Variants in BPIFB4 observed in about 807,000 individuals in gnomAD.
The protein encoded by BPIFB4 is BPI fold containing family B member 4.
A neutral mutation model predicts 69.2 loss-of-function variants in BPIFB4; 62 were observed. That is an observed-to-expected ratio of 0.90 (90% CI 0.73 to 1.11). The LOEUF (loss-of-function observed/expected upper bound fraction) is 1.11. BPIFB4 is among the 50% of genes least tolerant of loss of function. The pLI, the probability that BPIFB4 is intolerant of heterozygous loss-of-function variation, is 0.00. For missense variants in BPIFB4, 789 were observed against 792.0 expected, an observed-to-expected ratio of 1.00 and a Z score of 0.04; for synonymous variants, 330 against 332.7, an observed-to-expected ratio of 0.99 and a Z score of 0.09.
In BPIFB4 at chr20:33,090,778, A is replaced by C. The variant is rs1345932494; in HGVS notation, c.1122A>C (p.Glu374Asp). The change falls in exon 10 of 18, where the codon GAA becomes GAC. Residue 374 changes from glutamate to aspartate, a missense_variant. Around this residue, in one of 3 missense-constraint regions of BPIFB4, gnomAD observed 611 missense variants for 575.4 expected, o/e 1.06. Transcript: ENST00000375483. ...TFSSLPLVTG[E>D]FLELDLNTLV... ...CCAGCCTCCCGCTTGTGACCGGGGA[A>C]TTCCTGGAGCTGGACCTCAACGTGA... is the stretch of plus-strand genomic sequence containing the variant. The C allele has an allele frequency of 6.2e-7, 1 of 1,614,146 alleles. No individual in the cohort carries two copies.
intron 3 of BPIFB4, 53 bp from the exon 4 acceptor site, chr20:33,082,884 CT>C (rs1234312841): frequency 6.5e-7 from 1 of 1,532,026 alleles, no homozygotes; most frequent in Admixed American, 1.7e-5. Context: ...TGCCTGGGGG[CT>C]GGAGGTGGAA....
intron 13 of BPIFB4, among the ~76,000 whole-genome samples, chr20:33,099,563 T>G (rs1439965298): frequency 6.6e-6 from 1 of 152,136 alleles, no homozygotes; most frequent in Admixed American, 6.5e-5. Context: ...TTTTACCTCC[T>G]TGCTCTCTGG....
In BPIFB4 at chr20:33,086,006, C is replaced by T. The variant is rs1981413314; in HGVS notation, c.783-15C>T. 5.0e-6 allele frequency: 8 copies of T among 1,600,622 alleles called. No individual in the cohort carries two copies. Among genetic ancestry groups the T allele is most frequent in the South Asian group, 2.2e-5 (2 of 90,786 alleles). The stretch of plus-strand genomic sequence containing the variant: ...GGGTGACTCATGGTCTCCCTGGCCC[C>T]TTGGCCTCCTCCAGTCTTATTGGCT... On this transcript the variant is annotated splice_polypyrimidine_tract_variant and intron_variant, in intron 6 of 17. Coordinates refer to ENST00000375483, the MANE Select transcript of BPIFB4 (RefSeq NM_182519.3).
At chr20:33,085,252 C>T (rs1600553676) in intron 6 of BPIFB4, among the ~76,000 whole-genome samples, 1 of 151,796 alleles carries the variant, frequency 6.6e-6, no homozygotes, top group Non-Finnish European at 1.5e-5. Context: ...GTCAGGAGTT[C>T]GAGACCAGCC....
rs1380600666 is a variant in BPIFB4 at position 33,095,030 on chromosome 20, A to T, written c.1345-70A>T. 33 of 1,412,950 alleles carry T rather than the reference A, an allele frequency of 2.3e-5. No homozygotes were observed. In the South Asian group the frequency reaches 3.7e-4, roughly 16 times the overall value. The allele number at this position is 1,412,950 out of a possible 1,614,324, so 87.5% of individuals were successfully genotyped here. A position where few individuals can be genotyped will look rare whatever the true frequency, so the allele number is the denominator to read the frequency against. ...TTGTAAAGCATGTAGGAGTTTAATC[A>T]CTGTATTAGCAACTCCTGTCTGTAC... On this transcript the variant is annotated intron_variant, in intron 11 of 17. Transcript: ENST00000375483.
intron 4 of BPIFB4, 25 bp downstream of exon 4, chr20:33,083,025 G>C (rs772153192): frequency 1.9e-6 from 3 of 1,599,688 alleles, no homozygotes; most frequent in South Asian, 2.2e-5. Context: ...GATGGTGGTG[G>C]GCCTCTCCTG....
chr20:33,094,510 CTTT>C (rs59777915), intron 11 of BPIFB4, among the ~76,000 whole-genome samples: 7 of 140,836 alleles, frequency 5.0e-5, no homozygotes, highest in Admixed American at 1.4e-4. Flanking sequence ...TTCTTTCTTT[CTTT>C]TTTTTTTTTT....
At chr20:33,094,024 T>C (rs890443858) in intron 11 of BPIFB4, among the ~76,000 whole-genome samples, 1 of 152,250 alleles carries the variant, frequency 6.6e-6, no homozygotes, top group Non-Finnish European at 1.5e-5. Flanking sequence ...ATCATGACAA[T>C]TCATTCCATA....
At position 33,081,598 on chromosome 20, in the gene BPIFB4, G is replaced by T. The variant is rs1439551576; in HGVS notation, c.72G>T (p.Thr24=). The change falls in exon 3 of 18, where the codon ACG becomes ACT. Residue 24 remains threonine (T), a synonymous_variant. Coordinates refer to ENST00000375483, the MANE Select transcript of BPIFB4 (RefSeq NM_182519.3). ...AVCGTSHETN[T]VLRVTKDVLS... is the part of the protein sequence containing the mutation. ...GTGGCACCAGCCACGAGACAAACAC[G>T]GTCCTCAGGGTGACGAAAGATGTGT... 6.4e-7 allele frequency: 1 copy of T among 1,551,722 alleles called. No individual in the cohort carries two copies. The highest frequency in any genetic ancestry group is 8.7e-7 in the Non-Finnish European group (1 of 1,147,004).
chr20:33,082,190 T>TA (rs1254247582), intron 3 of BPIFB4, among the ~76,000 whole-genome samples: 2 of 152,260 alleles, frequency 1.3e-5, no homozygotes, highest in East Asian at 1.9e-4. Flanking sequence ...ATCATGAGCA[T>TA]AAAAAAATGA....
chr20:33,089,104 T>C lies in BPIFB4; in HGVS notation c.990+75T>C, dbSNP rs935456256. On this transcript the variant is annotated intron_variant, in intron 8 of 17. Coordinates refer to ENST00000375483, the MANE Select transcript of BPIFB4 (RefSeq NM_182519.3). ...CTGAGGGGCCATAGTCCAGCCTCCA[T>C]CCCTGGGGGCCTGCAGGTAACCCAG... 1.9e-6 allele frequency: 3 copies of C among 1,602,478 alleles called. No individual in the cohort carries two copies. In the East Asian group the frequency reaches 6.7e-5, roughly 36 times the overall value.
rs777582904 is a variant in BPIFB4 at position 33,081,499 on chromosome 20, T to TTC, written c.-15-10_-15-9dup. Reference sequence around the variant, plus strand: ...GCCCAGCCACATCTGCATCTGCACTTTCTCCTCCACAGGGAAGCAGTGCCA... The same window carrying TTC: ...GCCCAGCCACATCTGCATCTGCACTTTCTCTCCTCCACAGGGAAGCAGTGCCA... On this transcript the variant is annotated splice_polypyrimidine_tract_variant and intron_variant, in intron 2 of 17. Transcript: ENST00000375483. The TTC allele has an allele frequency of 5.2e-6, 8 of 1,551,308 alleles. No homozygotes were observed. Among genetic ancestry groups the TTC allele is most frequent in the Non-Finnish European group, 7.0e-6 (8 of 1,146,884 alleles).
chr20:33,088,817 G>A (rs1981510689), intron 7 of BPIFB4, 149 bp from the exon 8 acceptor site: 3 of 1,401,662 alleles, frequency 2.1e-6, no homozygotes, highest in Admixed American at 2.1e-5. Flanking sequence ...CAAGGTGAAG[G>A]TACTCTGTCC....
chr20:33,108,423 C>CTATATATATATATGTCTATATATA (rs1555787221), intron 17 of BPIFB4, among the ~76,000 whole-genome samples: 25 of 125,704 alleles, frequency 2.0e-4, no homozygotes, highest in African/African-American at 7.1e-4. Flanking sequence ...ATATATATGT[C>CTATATATATATATGTCTATATATA]TATATATATA....
intron 13 of BPIFB4, among the ~76,000 whole-genome samples, chr20:33,098,533 C>T (rs1981820759): frequency 6.6e-6 from 1 of 152,038 alleles, no homozygotes; most frequent in African/African-American, 2.4e-5. Context: ...TCACTTGAGG[C>T]CAGGATTTCG....
At chr20:33,090,047 A>G (rs1427694670) in intron 9 of BPIFB4, among the ~76,000 whole-genome samples, 30 of 152,196 alleles carry the variant, frequency 2.0e-4, no homozygotes, top group Admixed American at 2.0e-3. Flanking sequence ...CTGAGTGAAC[A>G]TTCCTGAAAG....
intron 12 of BPIFB4, among the ~76,000 whole-genome samples, chr20:33,095,441 G>C (rs142041248): frequency 6.6e-6 from 1 of 152,346 alleles, no homozygotes; most frequent in East Asian, 1.9e-4. Context: ...CTTTGGAGAA[G>C]AGTCTTAACA....
intron 16 of BPIFB4, 152 bp from the exon 17 acceptor site, chr20:33,107,592 T>C: frequency 1.7e-6 from 1 of 576,388 alleles, no homozygotes; most frequent in South Asian, 1.9e-5. Context: ...GCCGAGATTG[T>C]GCCACTGCAC....
rs751351191 is a variant in BPIFB4 at position 33,089,007 on chromosome 20, T to G, written c.968T>G (p.Leu323Arg). The G allele has an allele frequency of 1.2e-6, 2 of 1,613,902 alleles. No homozygotes were observed. Among genetic ancestry groups the G allele is most frequent in the South Asian group, 2.2e-5 (2 of 91,082 alleles). Residue 323 changes from leucine to arginine, a missense_variant, in exon 8 of 18, where the codon CTG becomes CGG. Coordinates refer to ENST00000375483, the MANE Select transcript of BPIFB4 (RefSeq NM_182519.3). ...NLVDNLVNRVLADVLPDLLCP... is the reference protein window; with the variant it reads ...NLVDNLVNRVRADVLPDLLCP... ...GTGGACAATTTAGTGAACCGAGTCC[T>G]GGCCGACGTCCTCCCTGACTTGGTA...
Sources: allele counts gnomAD v4.1 joint callset (sites outside exome capture counted in the v4.1 genomes callset), GRCh38; gene constraint gnomAD v4.1.1; regional missense constraint gnomAD v4.1.1; transcripts MANE v1.5; gene names NCBI Gene and HGNC (gene_info 2026-07-23, HGNC 2026-07-21).